PTPRD: variants seen among roughly 807,000 people sequenced by gnomAD.
PTPRD encodes protein tyrosine phosphatase receptor type D.
PTPRD carries 34 observed loss-of-function variants against 214.5 expected under a neutral mutation model. That is an observed-to-expected ratio of 0.16 (90% CI 0.12 to 0.21). The LOEUF (loss-of-function observed/expected upper bound fraction) is 0.21, where lower values mean the gene tolerates loss of function less well. Among genes scored for constraint, PTPRD ranks in the 10% least tolerant of loss-of-function variants. PTPRD has a pLI of 1.00. For missense variants in PTPRD, 2,545 were observed against 2,398.7 expected (o/e 1.06, Z -1.27); for synonymous variants, 1,128 against 845.7 (o/e 1.33, Z -5.79).
chr9:8,506,853 G>T (rs542833518), intron 22 of PTPRD, among the ~76,000 whole-genome samples: 1 of 152,006 alleles, frequency 6.6e-6, no homozygotes, highest in African/African-American at 2.4e-5. Context: ...TTGCTATTGG[G>T]GAATCTTTGA....
intron 10 of PTPRD, among the ~76,000 whole-genome samples, chr9:9,052,940 T>C (rs1196684519): frequency 6.6e-6 from 1 of 152,268 alleles, no homozygotes; most frequent in East Asian, 1.9e-4. Context: ...GCAAATAATT[T>C]TACGTACTGA....
chr9:8,864,623 T>C (rs1182523587), intron 11 of PTPRD, among the ~76,000 whole-genome samples: 1 of 152,168 alleles, frequency 6.6e-6, no homozygotes, highest in Non-Finnish European at 1.5e-5. Context: ...CACTCAGAAG[T>C]GAAATACCAC....
In PTPRD at chr9:10,512,471, G is replaced by C. The variant is rs181623064; in HGVS notation, c.-600+99927C>G. On this transcript the variant is annotated intron_variant, in intron 2 of 45. Coordinates refer to ENST00000381196, the MANE Select transcript of PTPRD (RefSeq NM_002839.4). Reference sequence around the variant, plus strand: ...AAGGCTTGAAGATGCTATACAGAGAGATAGTGCTCCTATGATCCATAAGTA... The same window carrying C: ...AAGGCTTGAAGATGCTATACAGAGACATAGTGCTCCTATGATCCATAAGTA... Among the ~76,000 whole-genome samples the C allele has an allele frequency of 3.4e-4, 52 of 152,184 alleles. No individual in the cohort carries two copies. The East Asian group carries it at 9.7e-3, about 28-fold the overall frequency.
intron 26 of PTPRD, among the ~76,000 whole-genome samples, chr9:8,496,755 C>G (rs974796313): frequency 6.6e-6 from 1 of 152,208 alleles, no homozygotes; most frequent in Non-Finnish European, 1.5e-5. Flanking sequence ...CATCTCCAGT[C>G]TGCAATGCCT....
intron 14 of PTPRD, among the ~76,000 whole-genome samples, chr9:8,576,853 T>C (rs10511503): frequency 0.032 from 4,942 of 152,264 alleles, 188 homozygotes; most frequent in East Asian, 0.086. Flanking sequence ...ACTCTCTTCC[T>C]TAGTGGCAAT....
intron 12 of PTPRD, among the ~76,000 whole-genome samples, chr9:8,664,034 CATT>C (rs1198743754): frequency 6.6e-6 from 1 of 152,082 alleles, no homozygotes; most frequent in African/African-American, 2.4e-5. Context: ...GCAGTCTTTT[CATT>C]ATCTCTACCA....
intron 3 of PTPRD, among the ~76,000 whole-genome samples, chr9:10,139,641 C>T (rs1283904650): frequency 1.3e-5 from 2 of 152,002 alleles, no homozygotes; most frequent in Non-Finnish European, 2.9e-5. Flanking sequence ...TCAAACTGGA[C>T]TACAAGGGTA....
chr9:9,580,251 G>A (rs1231878325), intron 7 of PTPRD, among the ~76,000 whole-genome samples: 1 of 152,038 alleles, frequency 6.6e-6, no homozygotes, highest in Non-Finnish European at 1.5e-5. Flanking sequence ...GGATCAAAGG[G>A]TGGTTCTATT....
chr9:8,925,932 A>G (rs1588144120), intron 11 of PTPRD, among the ~76,000 whole-genome samples: 1 of 122,780 alleles, frequency 8.1e-6, no homozygotes, highest in East Asian at 2.3e-4. Flanking sequence ...TTTCCATTCT[A>G]TTGAGTTAAT....
intron 7 of PTPRD, among the ~76,000 whole-genome samples, chr9:9,716,810 C>G (rs1053947517): frequency 6.6e-6 from 1 of 151,700 alleles, no homozygotes; most frequent in South Asian, 2.1e-4. Flanking sequence ...TGCCTGTTCA[C>G]TTTGATGGTA....
intron 31 of PTPRD, among the ~76,000 whole-genome samples, chr9:8,467,794 C>A (rs1369531562): frequency 1.3e-5 from 2 of 151,352 alleles, no homozygotes; most frequent in Admixed American, 1.3e-4. Flanking sequence ...AAAAAAAATC[C>A]GATACCAAAT....
chr9:10,343,660 A>G (rs1277841677), intron 2 of PTPRD, among the ~76,000 whole-genome samples: 1 of 152,224 alleles, frequency 6.6e-6, no homozygotes, highest in Admixed American at 6.5e-5. Context: ...CTTTTTAGTG[A>G]TTGCCATTCT....
At chr9:9,252,549 G>A (rs2099975925) in intron 9 of PTPRD, among the ~76,000 whole-genome samples, 1 of 152,002 alleles carries the variant, frequency 6.6e-6, no homozygotes, top group Non-Finnish European at 1.5e-5. Flanking sequence ...GTGACATGAA[G>A]ATAACTCATT....
At chr9:9,024,352 G>GTTTTTTTTTTTTTTTT (rs397944358) in intron 10 of PTPRD, among the ~76,000 whole-genome samples, 3 of 140,046 alleles carry the variant, frequency 2.1e-5, no homozygotes, top group Non-Finnish European at 3.0e-5. Context: ...TTTTTTGTTT[G>GTTTTTTTTTTTTTTTT]TTTTTTTTTT....
chr9:10,309,565 A>C (rs2096206263), intron 3 of PTPRD, among the ~76,000 whole-genome samples: 1 of 148,832 alleles, frequency 6.7e-6, no homozygotes. Flanking sequence ...GGGTTTCACC[A>C]TGTTGGTCAG....
At chr9:10,159,776 AG>A (rs892061208) in intron 3 of PTPRD, among the ~76,000 whole-genome samples, 41 of 151,974 alleles carry the variant, frequency 2.7e-4, no homozygotes, top group Non-Finnish European at 5.3e-4. Context: ...ATAATTACTG[AG>A]CTCGAAGAAT....
intron 3 of PTPRD, among the ~76,000 whole-genome samples, chr9:10,160,702 C>T (rs184276320): frequency 3.3e-5 from 5 of 151,938 alleles, no homozygotes; most frequent in Admixed American, 2.6e-4. Context: ...TTTTATTTAA[C>T]ACAGTACTGG....
intron 6 of PTPRD, among the ~76,000 whole-genome samples, chr9:9,755,518 ACAAT>A (rs1182403861): frequency 6.6e-6 from 1 of 152,072 alleles, no homozygotes; most frequent in African/African-American, 2.4e-5. Context: ...CTTAAGGTTC[ACAAT>A]CAGTTTTATA....
chr9:9,749,787 C>T lies in PTPRD; in HGVS notation c.-325-15216G>A, dbSNP rs555617862. 3.9e-5 allele frequency among the ~76,000 whole-genome samples: 6 copies of T among 152,270 alleles called. No individual in the cohort carries two copies. The East Asian group carries it at 1.2e-3, about 29-fold the overall frequency. On this transcript the variant is annotated intron_variant, in intron 6 of 45. Transcript: ENST00000381196. ...AAAGTTAGGAGTATAGTTATTAGAA[C>T]AACTCTCAGGTTAGTCACGCTTCCT...
Sources: gnomAD v4.1 joint callset for allele counts (sites outside exome capture counted in the v4.1 genomes callset) on GRCh38, gnomAD v4.1.1 for gene constraint, MANE v1.5 for transcripts, NCBI Gene and HGNC (gene_info 2026-07-23, HGNC 2026-07-21) for gene names.